The following DIP2C variants were observed in gnomAD, a reference collection of about 807,000 sequenced individuals.
DIP2C encodes the protein DIP2 acetate--CoA ligase C (putative), also known as disco-interacting protein 2 homolog C.
Under a neutral mutation model 192.4 loss-of-function variants are expected in DIP2C, and 33 were observed. The ratio of observed to expected loss-of-function variants is 0.17; its 90% CI spans 0.13 to 0.23. The LOEUF is 0.23. Among genes scored for constraint, DIP2C ranks in the 10% least tolerant of loss-of-function variants. The probability of loss-of-function intolerance (pLI) is 1.00; values close to 1 mark genes in which losing one functional copy is unlikely to be tolerated. For missense variants in DIP2C, 1,537 were observed against 2,110.1 expected, an observed-to-expected ratio of 0.73 and a Z score of 5.32; for synonymous variants, 979 against 864.1, an observed-to-expected ratio of 1.13 and a Z score of -2.33.
At chr10:653,284 A>G (rs1427510878) in intron 1 of DIP2C, among the ~76,000 whole-genome samples, 1 of 152,054 alleles carries the variant, frequency 6.6e-6, no homozygotes, top group Non-Finnish European at 1.5e-5. Flanking sequence ...CCCCGTCTCT[A>G]CTAAAAATAC....
intron 32 of DIP2C, among the ~76,000 whole-genome samples, chr10:292,553 C>G (rs186757479): frequency 8.9e-4 from 135 of 152,340 alleles, no homozygotes; most frequent in African/African-American, 2.7e-3. Context: ...TCAAACTTAG[C>G]AACCTGTTTT....
intron 1 of DIP2C, among the ~76,000 whole-genome samples, chr10:641,137 T>C (rs1274034568): frequency 1.1e-4 from 2 of 18,102 alleles, no homozygotes; most frequent in East Asian, 4.8e-3. Flanking sequence ...TATTGCTAAT[T>C]GCAAAAAAAA....
chr10:465,499 A>G (rs1253577606), intron 3 of DIP2C, among the ~76,000 whole-genome samples: 1 of 152,030 alleles, frequency 6.6e-6, no homozygotes, highest in Non-Finnish European at 1.5e-5. Flanking sequence ...GCCCTCTCTC[A>G]CCACTCCTAT....
intron 10 of DIP2C, among the ~76,000 whole-genome samples, chr10:396,701 G>A (rs148071663): frequency 8.5e-5 from 13 of 152,220 alleles, no homozygotes; most frequent in African/African-American, 2.9e-4. Context: ...AGCATGACTG[G>A]AGTCCTCCAG....
intron 1 of DIP2C, among the ~76,000 whole-genome samples, chr10:527,256 CACCT>C (rs2130843716): frequency 6.6e-6 from 1 of 152,340 alleles, no homozygotes; most frequent in Non-Finnish European, 1.5e-5. Context: ...CACAAAACAG[CACCT>C]CTGAAGTCAT....
intron 1 of DIP2C, among the ~76,000 whole-genome samples, chr10:537,936 C>T (rs1029329314): frequency 6.6e-5 from 10 of 152,012 alleles, no homozygotes; most frequent in East Asian, 1.9e-4. Flanking sequence ...ATTACAGGCA[C>T]GCGCCACCAT....
intron 36 of DIP2C, among the ~76,000 whole-genome samples, chr10:279,006 C>G (rs138188194): frequency 6.6e-6 from 1 of 152,240 alleles, no homozygotes; most frequent in East Asian, 1.9e-4. Context: ...CACTATTGTT[C>G]TAAGTGGGAG....
intron 1 of DIP2C, among the ~76,000 whole-genome samples, chr10:593,487 C>A (rs1471457956): frequency 1.1e-3 from 6 of 5,420 alleles, no homozygotes; most frequent in African/African-American, 1.5e-3. Flanking sequence ...CACGCGGGAC[C>A]CCCCCCCCCC....
intron 1 of DIP2C, among the ~76,000 whole-genome samples, chr10:653,034 C>A (rs1308373463): frequency 6.6e-6 from 1 of 151,934 alleles, no homozygotes; most frequent in African/African-American, 2.4e-5. Context: ...ACACTTCAGA[C>A]GCGGCCTCGA....
rs1964990200 is a variant in DIP2C, at chr10:408,809, A to C, written c.1149+117T>G. ...TACCAGGTAGCAGTTAAGAATAAAA[A>C]CTTGCTTTCCAATAGAAAGTGGAGG... On this transcript the variant is annotated intron_variant, in intron 9 of 36. Transcript: ENST00000280886. The C allele has an allele frequency of 1.0e-5, 9 of 898,796 alleles. No homozygotes were observed. In the South Asian group the frequency reaches 1.4e-4, roughly 14 times the overall value. The allele number at this position is 898,796 out of a possible 1,614,324, so 55.7% of individuals were successfully genotyped here. A position where few individuals can be genotyped will look rare whatever the true frequency, so the allele number is the denominator to read the frequency against.
intron 1 of DIP2C, among the ~76,000 whole-genome samples, chr10:599,955 G>A (rs74115071): frequency 0.082 from 12,417 of 152,222 alleles, 823 homozygotes; most frequent in African/African-American, 0.18. Flanking sequence ...CGGGTGTGCA[G>A]GAGGGGGCTT....
intron 1 of DIP2C, among the ~76,000 whole-genome samples, chr10:509,778 G>A (rs377451144): frequency 3.4e-4 from 51 of 152,144 alleles, no homozygotes; most frequent in African/African-American, 1.1e-3. Context: ...AGGACGGGGC[G>A]CCGCAGTCTC....
At chr10:645,462 G>A (rs1357935876) in intron 1 of DIP2C, among the ~76,000 whole-genome samples, 5 of 152,010 alleles carry the variant, frequency 3.3e-5, no homozygotes, top group African/African-American at 4.8e-5. Context: ...CATCTCTAAC[G>A]CCAAGAAACA....
At chr10:324,809 G>A (rs377221325) in intron 31 of DIP2C, 19 of 433,662 alleles carry the variant, frequency 4.4e-5, no homozygotes, top group South Asian at 1.1e-4. Context: ...AGGTAAGGAC[G>A]GTGGCACGCT....
intron 36 of DIP2C, among the ~76,000 whole-genome samples, chr10:278,527 T>C (rs1954645279): frequency 6.6e-6 from 1 of 152,232 alleles, no homozygotes; most frequent in Non-Finnish European, 1.5e-5. Flanking sequence ...TGTGCCCAGC[T>C]AAGCTGCTTG....
intron 4 of DIP2C, among the ~76,000 whole-genome samples, chr10:433,658 G>A (rs1051026693): frequency 2.0e-5 from 3 of 152,168 alleles, no homozygotes; most frequent in African/African-American, 2.4e-5. Flanking sequence ...TCCAGCCTGG[G>A]CCAAGGAGTA....
chr10:418,358 C>CACTGT, intron 6 of DIP2C, among the ~76,000 whole-genome samples: 1 of 152,066 alleles, frequency 6.6e-6, no homozygotes, highest in Non-Finnish European at 1.5e-5. Context: ...CCTCCCTGTC[C>CACTGT]GCCTGTGAGT....
At chr10:467,178 A>G (rs1305479395) in intron 3 of DIP2C, among the ~76,000 whole-genome samples, 1 of 152,174 alleles carries the variant, frequency 6.6e-6, no homozygotes, top group Non-Finnish European at 1.5e-5. Flanking sequence ...TGTGGCACAT[A>G]TACACCATGG....
chr10:449,917 C>CAAA (rs1287942290), intron 3 of DIP2C, among the ~76,000 whole-genome samples: 2 of 22,528 alleles, frequency 8.9e-5, no homozygotes, highest in Non-Finnish European at 1.1e-4. Context: ...CAGTCAACAA[C>CAAA]AACAAAAAAA....
Sources: allele counts gnomAD v4.1 joint callset (sites outside exome capture counted in the v4.1 genomes callset), GRCh38; gene constraint gnomAD v4.1.1; transcripts MANE v1.5; gene names NCBI Gene and HGNC (gene_info 2026-07-23, HGNC 2026-07-21).